TRAPPC9: variants seen among roughly 807,000 people sequenced by gnomAD.
TRAPPC9 encodes trafficking protein particle complex subunit 9, also known as IKK2 binding protein.
Under a neutral mutation model 124.0 loss-of-function variants are expected in TRAPPC9, and 83 were observed. That is an observed-to-expected ratio of 0.67 (90% CI 0.56 to 0.80). The LOEUF (loss-of-function observed/expected upper bound fraction) is 0.80. Among genes scored for constraint, TRAPPC9 ranks in the 30% least tolerant of loss-of-function variants. The probability of loss-of-function intolerance (pLI) is 0.00; values close to 1 mark genes in which losing one functional copy is unlikely to be tolerated. For synonymous variants in TRAPPC9, 638 were observed against 617.5 expected, an observed-to-expected ratio of 1.03 and a Z score of -0.49; for missense variants, 1,302 against 1,508.3, an observed-to-expected ratio of 0.86 and a Z score of 2.27.
Position 140,384,878 on chromosome 8 carries a change from A to G in TRAPPC9, c.1134+12742T>C, listed in dbSNP as rs572424514. Among the ~76,000 whole-genome samples, 220 of 152,346 alleles carry G rather than the reference A, an allele frequency of 1.4e-3. 1 individual carries two copies. Among genetic ancestry groups the G allele is most frequent in the Middle Eastern group, 3.4e-3 (1 of 294 alleles). On this transcript the variant is annotated intron_variant, in intron 7 of 22. Coordinates refer to ENST00000438773, the MANE Select transcript of TRAPPC9 (RefSeq NM_001160372.4). ...CAACAGAATATACATTCTTCTCAGC[A>G]CCACATCGCACTTATTCCAAAATTG... is the stretch of plus-strand genomic sequence containing the variant.
intron 17 of TRAPPC9, among the ~76,000 whole-genome samples, chr8:140,115,732 G>A (rs567932391): frequency 2.2e-4 from 33 of 152,282 alleles, no homozygotes; most frequent in East Asian, 1.2e-3. Context: ...GCAGCCTGGC[G>A]AAGGGGAGAG....
At chr8:139,997,416 T>C (rs72685212) in intron 18 of TRAPPC9, among the ~76,000 whole-genome samples, 7,661 of 146,876 alleles carry the variant, frequency 0.052, 272 homozygotes, top group Non-Finnish European at 0.076. Context: ...GAAGAGACAA[T>C]GCATCCTACC....
At chr8:140,443,131 CAAAAAAAA>C (rs1177286944) in intron 2 of TRAPPC9, among the ~76,000 whole-genome samples, 87 of 43,992 alleles carry the variant, frequency 2.0e-3, no homozygotes, top group Non-Finnish European at 2.8e-3. Context: ...GACTCCATCT[CAAAAAAAA>C]AAAAAAAAAA....
chr8:139,785,537 A>C (rs1326843095), intron 21 of TRAPPC9, among the ~76,000 whole-genome samples: 2 of 138,198 alleles, frequency 1.4e-5, no homozygotes, highest in Non-Finnish European at 3.2e-5. Flanking sequence ...ATCTCTACTA[A>C]ACACACACAC....
chr8:139,939,668 C>T (rs1450709151), intron 19 of TRAPPC9, among the ~76,000 whole-genome samples: 1 of 152,252 alleles, frequency 6.6e-6, no homozygotes, highest in East Asian at 1.9e-4. Flanking sequence ...CTCTGTGCCT[C>T]CCTCTGGTCC....
chr8:140,451,017 C>T lies in TRAPPC9; in HGVS notation c.357G>A (p.Gly119=), dbSNP rs34457678. The change falls in exon 2 of 23, where the codon GGG becomes GGA. Residue 119 remains glycine (G), a synonymous_variant. Transcript: ENST00000438773. ...TLYDSRLFVF[G]LQGEIVEQPR... Reference sequence around the variant, plus strand: ...GCTGCTCCACGATCTCCCCCTGCAGCCCGAAGACAAAGAGCCGGGAGTCAT... The same window carrying T: ...GCTGCTCCACGATCTCCCCCTGCAGTCCGAAGACAAAGAGCCGGGAGTCAT... The T allele has an allele frequency of 0.08, 129,777 of 1,613,986 alleles. 5,718 individuals carry two copies. The highest frequency in any genetic ancestry group is 0.11 in the African/African-American group (8,221 of 74,992).
Position 139,742,380 on chromosome 8 carries a change from G to A in TRAPPC9, c.3056-10178C>T, listed in dbSNP as rs1405960050. 2.0e-5 allele frequency among the ~76,000 whole-genome samples: 3 copies of A among 152,174 alleles called. 1 individual carries two copies. The highest frequency in any genetic ancestry group is 4.1e-4 in the South Asian group (2 of 4,832). On this transcript the variant is annotated intron_variant, in intron 21 of 22. Coordinates refer to ENST00000438773, the MANE Select transcript of TRAPPC9 (RefSeq NM_001160372.4). This position sits in a 1 kb window ranked among gnomAD's most constrained non-coding sequence, Gnocchi z 4.7. Reference sequence around the variant, plus strand: ...CTGTGCAGTCCTCTTTGCTTGCAACGTCCATAAGCCATGAGAACCCTCCAG... The same window carrying A: ...CTGTGCAGTCCTCTTTGCTTGCAACATCCATAAGCCATGAGAACCCTCCAG...
At chr8:140,018,616 C>T (rs1173480805) in intron 18 of TRAPPC9, among the ~76,000 whole-genome samples, 3 of 152,118 alleles carry the variant, frequency 2.0e-5, no homozygotes, top group East Asian at 3.9e-4. Flanking sequence ...CGTGAGCCAC[C>T]GTGCCTGGCC....
Position 140,370,968 on chromosome 8 carries a change from G to A in TRAPPC9, c.1347C>T (p.Ser449=), listed in dbSNP as rs747251069. ...CCAGCAAGGGGACTCCAGTACCTCT[G>A]CTGAAATCTTTGGGATCCAGCGACA... ...YSLSLDPKDF[S]RGTHRGWAAV... is the part of the protein sequence containing the mutation. The change falls in exon 8 of 23, where the codon AGC becomes AGT. Residue 449 remains serine (S), a synonymous_variant. Transcript: ENST00000438773. The A allele has an allele frequency of 1.2e-6, 2 of 1,614,104 alleles. No homozygotes were observed. The highest frequency in any genetic ancestry group is 1.7e-6 in the Non-Finnish European group (2 of 1,180,034).
chr8:139,806,371 T>C (rs559214132), intron 21 of TRAPPC9: 1 of 152,282 alleles, frequency 6.6e-6, no homozygotes, highest in African/African-American at 2.4e-5. Flanking sequence ...GGGGAGAGCT[T>C]CCCTGTCCCC....
intron 20 of TRAPPC9, among the ~76,000 whole-genome samples, chr8:139,891,014 G>C (rs941584306): frequency 6.6e-6 from 1 of 152,024 alleles, no homozygotes; most frequent in Non-Finnish European, 1.5e-5. Flanking sequence ...CCCTGTCCAC[G>C]GCCAAATGCC....
At chr8:140,048,032 G>A (rs553402447) in intron 17 of TRAPPC9, among the ~76,000 whole-genome samples, 1 of 152,344 alleles carries the variant, frequency 6.6e-6, no homozygotes, top group Non-Finnish European at 1.5e-5. Flanking sequence ...TTCACAAATG[G>A]CCCAGCAGAA....
At chr8:139,855,593 A>ATTCTT (rs1827749062) in intron 21 of TRAPPC9, among the ~76,000 whole-genome samples, 1 of 152,150 alleles carries the variant, frequency 6.6e-6, no homozygotes, top group Non-Finnish European at 1.5e-5. Flanking sequence ...CTGGAAGGTG[A>ATTCTT]GGGAGTGGGA....
Position 139,998,330 on chromosome 8 carries a change from G to GAAT in TRAPPC9, c.2700-9497_2700-9495dup, listed in dbSNP as rs1228644363. Among the ~76,000 whole-genome samples the GAAT allele has an allele frequency of 2.6e-5, 4 of 152,198 alleles. No homozygotes were observed. In the East Asian group the frequency reaches 7.7e-4, roughly 29 times the overall value. On this transcript the variant is annotated intron_variant, in intron 18 of 22. Transcript: ENST00000438773. ...AAAGAAAGTCCTTTAAACAAAGGGT[G>GAAT]AATAATAATACAGGGAAACTTGAAC...
intron 13 of TRAPPC9, among the ~76,000 whole-genome samples, chr8:140,286,117 C>T (rs2065477198): frequency 6.6e-6 from 1 of 152,240 alleles, no homozygotes; most frequent in Non-Finnish European, 1.5e-5. Flanking sequence ...GGAAGGAAAG[C>T]CTGTGCTGAG....
chr8:140,139,960 C>T (rs7007143), intron 17 of TRAPPC9, among the ~76,000 whole-genome samples: 77,001 of 152,074 alleles, frequency 0.51, 20,398 homozygotes, highest in African/African-American at 0.67. Flanking sequence ...AAAGTTCATT[C>T]TTAAACAAAC....
chr8:140,453,079 A>G (rs2071526957), intron 1 of TRAPPC9, among the ~76,000 whole-genome samples: 1 of 152,198 alleles, frequency 6.6e-6, no homozygotes, highest in Non-Finnish European at 1.5e-5. Context: ...CAACTACTAT[A>G]GTCTCAAATA....
chr8:140,313,742 C>T (rs989656989), intron 9 of TRAPPC9, among the ~76,000 whole-genome samples: 1 of 152,066 alleles, frequency 6.6e-6, no homozygotes. Flanking sequence ...AAGGGACCGT[C>T]GCCAGCTGCA....
chr8:139,752,793 C>A (rs887013456), intron 21 of TRAPPC9, among the ~76,000 whole-genome samples: 1 of 150,940 alleles, frequency 6.6e-6, no homozygotes, highest in African/African-American at 2.4e-5. Flanking sequence ...TATATACCAT[C>A]CATCCACTAC....
Sources: gnomAD v4.1 joint callset for allele counts (sites outside exome capture counted in the v4.1 genomes callset) on GRCh38, gnomAD v4.1.1 for gene constraint, Gnocchi (gnomAD v3.1) non-coding constraint, MANE v1.5 for transcripts, NCBI Gene and HGNC (gene_info 2026-07-23, HGNC 2026-07-21) for gene names.